CNTN4: variants seen among roughly 807,000 people sequenced by gnomAD.
CNTN4 encodes contactin-4.
CNTN4 carries 77 observed loss-of-function variants against 122.5 expected under a neutral mutation model. That is an observed-to-expected ratio of 0.63 (90% CI 0.52 to 0.76). The LOEUF (loss-of-function observed/expected upper bound fraction) is 0.76. Ranked by LOEUF, CNTN4 falls within the 30% of genes least tolerant of loss-of-function variation. The pLI, the probability that CNTN4 is intolerant of heterozygous loss-of-function variation, is 0.00. For missense variants in CNTN4, 1,256 were observed against 1,259.1 expected, an observed-to-expected ratio of 1.00 and a Z score of 0.04; for synonymous variants, 512 against 447.0, an observed-to-expected ratio of 1.15 and a Z score of -1.83.
intron 4 of CNTN4, among the ~76,000 whole-genome samples, chr3:2,588,213 A>G (rs909776312): frequency 2.0e-5 from 3 of 152,184 alleles, no homozygotes; most frequent in African/African-American, 7.2e-5. Context: ...GAGCCTTGAT[A>G]GTTCACCACA....
At chr3:2,765,619 T>G (rs1217722939) in intron 6 of CNTN4, among the ~76,000 whole-genome samples, 1 of 152,176 alleles carries the variant, frequency 6.6e-6, no homozygotes, top group East Asian at 1.9e-4. Context: ...ATAGCTATAA[T>G]TAGATATTTT....
At chr3:2,248,383 G>A (rs1234966901) in intron 2 of CNTN4, among the ~76,000 whole-genome samples, 1 of 151,902 alleles carries the variant, frequency 6.6e-6, no homozygotes, top group Non-Finnish European at 1.5e-5. Context: ...TCTTAGGTGT[G>A]AACCATTTCT....
At chr3:2,890,199 C>G (rs1169293941) in intron 10 of CNTN4, among the ~76,000 whole-genome samples, 3 of 152,148 alleles carry the variant, frequency 2.0e-5, no homozygotes, top group Non-Finnish European at 4.4e-5. Context: ...CAAAAATTAT[C>G]TAATTGTTTT....
chr3:2,778,609 G>A (rs552918556), intron 6 of CNTN4, among the ~76,000 whole-genome samples: 18 of 152,066 alleles, frequency 1.2e-4, no homozygotes, highest in Non-Finnish European at 2.5e-4. Context: ...GTTTCAGACA[G>A]GAAATGGAAC....
At chr3:2,908,922 G>C (rs1266975253) in intron 12 of CNTN4, among the ~76,000 whole-genome samples, 2 of 152,104 alleles carry the variant, frequency 1.3e-5, no homozygotes, top group African/African-American at 4.8e-5. Flanking sequence ...GAACACATCT[G>C]ACCCTGGCAG....
chr3:2,549,566 A>G (rs1361516310), intron 3 of CNTN4, among the ~76,000 whole-genome samples: 1 of 152,142 alleles, frequency 6.6e-6, no homozygotes, highest in Non-Finnish European at 1.5e-5. Context: ...ATCATGGTGG[A>G]TAAGCTTTTT....
At position 2,959,510 on chromosome 3, in the gene CNTN4, A is replaced by G. The variant is rs923885387; in HGVS notation, c.1359-28835A>G. Among the ~76,000 whole-genome samples the G allele has an allele frequency of 2.4e-4, 37 of 152,114 alleles. 1 individual carries two copies. Among genetic ancestry groups the G allele is most frequent in the Admixed American group, 4.6e-4 (7 of 15,270 alleles). ...TATCAACATATTGTGAAAAAAAATC[A>G]TTGAGGAGCTTACCCTTGGCTTTAG... On this transcript the variant is annotated intron_variant, in intron 13 of 24. Coordinates refer to ENST00000418658, the MANE Select transcript of CNTN4 (RefSeq NM_175607.3).
At chr3:2,493,736 A>T (rs1027759497) in intron 3 of CNTN4, among the ~76,000 whole-genome samples, 3 of 152,054 alleles carry the variant, frequency 2.0e-5, no homozygotes, top group African/African-American at 7.2e-5. Flanking sequence ...CACAACTAAT[A>T]CGGTCATGTG....
intron 3 of CNTN4, among the ~76,000 whole-genome samples, chr3:2,484,681 G>C (rs1368415617): frequency 6.6e-6 from 1 of 152,210 alleles, no homozygotes; most frequent in East Asian, 1.9e-4. Flanking sequence ...CTGCTATCCT[G>C]CTGACATGCT....
At chr3:2,726,820 T>C (rs183291767) in intron 4 of CNTN4, among the ~76,000 whole-genome samples, 303 of 152,280 alleles carry the variant, frequency 2.0e-3, no homozygotes, top group Middle Eastern at 6.8e-3. Flanking sequence ...TGATGTGAAC[T>C]GTGGGCTTTA....
At chr3:2,635,916 C>G (rs2082639372) in intron 4 of CNTN4, among the ~76,000 whole-genome samples, 1 of 152,162 alleles carries the variant, frequency 6.6e-6, no homozygotes, top group Non-Finnish European at 1.5e-5. Context: ...ACCCCTCACG[C>G]ATCATTATTG....
At chr3:2,696,312 C>G (rs966486804) in intron 4 of CNTN4, among the ~76,000 whole-genome samples, 2 of 152,136 alleles carry the variant, frequency 1.3e-5, no homozygotes, top group Admixed American at 6.5e-5. Context: ...CTCCAAAGTT[C>G]AGGTTGAAAC....
At chr3:2,977,692 G>A (rs1693556940) in intron 13 of CNTN4, among the ~76,000 whole-genome samples, 1 of 152,114 alleles carries the variant, frequency 6.6e-6, no homozygotes, top group Admixed American at 6.5e-5. Flanking sequence ...CTTCAAACAA[G>A]GTCTAACAGC....
At chr3:2,269,054 C>T (rs945833262) in intron 2 of CNTN4, among the ~76,000 whole-genome samples, 2 of 152,124 alleles carry the variant, frequency 1.3e-5, no homozygotes, top group African/African-American at 4.8e-5. Flanking sequence ...GCATTAGTTG[C>T]ACTGCCTGTA....
intron 3 of CNTN4, among the ~76,000 whole-genome samples, chr3:2,547,224 T>C (rs867069241): frequency 2.0e-5 from 3 of 150,126 alleles, no homozygotes; most frequent in South Asian, 2.1e-4. Flanking sequence ...ATCAGGGTTT[T>C]GTATGATATT....
At position 2,435,154 on chromosome 3, in the gene CNTN4, T is replaced by G. The variant is rs137910333; in HGVS notation, c.-89+95921T>G. Among the ~76,000 whole-genome samples the G allele has an allele frequency of 7.3e-4, 111 of 152,286 alleles. 1 individual carries two copies. Among genetic ancestry groups the G allele is most frequent in the African/African-American group, 2.5e-3 (103 of 41,562 alleles). ...GATTGTGTGTATTATTAAACACCAT[T>G]AATTCTACCAATTAATTACCAATTC... On this transcript the variant is annotated intron_variant, in intron 3 of 24. Coordinates refer to ENST00000418658, the MANE Select transcript of CNTN4 (RefSeq NM_175607.3).
chr3:2,863,444 C>CTTT (rs5846228), intron 7 of CNTN4, among the ~76,000 whole-genome samples: 2,475 of 92,312 alleles, frequency 0.027, 56 homozygotes, highest in Non-Finnish European at 0.034. Flanking sequence ...ATGGTTTCTT[C>CTTT]TTTTTTTTTT....
chr3:2,472,278 C>T (rs2075708684), intron 3 of CNTN4, among the ~76,000 whole-genome samples: 1 of 152,034 alleles, frequency 6.6e-6, no homozygotes, highest in Non-Finnish European at 1.5e-5. Flanking sequence ...TCTTGTTCTG[C>T]CACCCAGGCT....
At chr3:2,367,645 G>A (rs1305693683) in intron 3 of CNTN4, among the ~76,000 whole-genome samples, 2 of 151,882 alleles carry the variant, frequency 1.3e-5, no homozygotes, top group African/African-American at 2.4e-5. Flanking sequence ...CACCACACCC[G>A]GCTAATTTTT....
Sources: gnomAD v4.1 joint callset for allele counts (sites outside exome capture counted in the v4.1 genomes callset) on GRCh38, gnomAD v4.1.1 for gene constraint, MANE v1.5 for transcripts, NCBI Gene and HGNC (gene_info 2026-07-23, HGNC 2026-07-21) for gene names.